The following BCAT1 variants were observed in gnomAD, a reference collection of about 807,000 sequenced individuals.
BCAT1 encodes the protein branched chain amino acid transaminase 1.
BCAT1 carries 48 observed loss-of-function variants against 52.4 expected under a neutral mutation model. The ratio of observed to expected loss-of-function variants is 0.92; its 90% CI spans 0.73 to 1.16. The LOEUF (loss-of-function observed/expected upper bound fraction) is 1.16, where lower values mean the gene tolerates loss of function less well. Ranked by LOEUF, BCAT1 falls within the 50% of genes most tolerant of loss-of-function variation. The pLI is 0.00. For missense variants in BCAT1, 451 were observed against 457.1 expected (o/e 0.99, Z 0.12); for synonymous variants, 167 against 161.3 (o/e 1.04, Z -0.27).
At chr12:24,890,033 C>T (rs1230368732) in intron 3 of BCAT1, among the ~76,000 whole-genome samples, 2 of 152,162 alleles carry the variant, frequency 1.3e-5, no homozygotes, top group African/African-American at 2.4e-5. Context: ...CCCCCGATAC[C>T]TCACCCTACA....
chr12:24,846,327 A>G (rs1472044396), intron 6 of BCAT1, among the ~76,000 whole-genome samples: 2 of 152,356 alleles, frequency 1.3e-5, no homozygotes, highest in Middle Eastern at 3.4e-3. Flanking sequence ...TCACAGGTGT[A>G]AGCTGTATTA....
chr12:24,910,378 AAAATAAATAAATAAATAAATAAATAAAT>A (rs57340584), intron 1 of BCAT1, among the ~76,000 whole-genome samples: 1 of 146,136 alleles, frequency 6.8e-6, no homozygotes, highest in Non-Finnish European at 1.5e-5. Flanking sequence ...CTCTGTCTCA[AAAATAAATAAATAAATAAATAAATAAAT>A]AAATAAATAA....
chr12:24,948,858 T>C, intron 1 of BCAT1, 69 bp downstream of exon 1: 1 of 1,541,854 alleles, frequency 6.5e-7, no homozygotes, highest in South Asian at 1.2e-5. Context: ...ACTATGTTTC[T>C]TGGAGAAATC....
At chr12:24,915,841 G>A (rs1943398037) in intron 1 of BCAT1, among the ~76,000 whole-genome samples, 1 of 152,158 alleles carries the variant, frequency 6.6e-6, no homozygotes, top group Non-Finnish European at 1.5e-5. Context: ...TTTTTCATAA[G>A]GAATCTCAGA....
At chr12:24,825,736 T>C (rs1940367864) in intron 10 of BCAT1, among the ~76,000 whole-genome samples, 1 of 152,204 alleles carries the variant, frequency 6.6e-6, no homozygotes, top group Non-Finnish European at 1.5e-5. Flanking sequence ...TTGAGCTCCT[T>C]ATAGACTCTG....
Position 24,814,992 on chromosome 12 carries a change from C to T in BCAT1, c.*3016G>A, listed in dbSNP as rs1939826978. The T allele has an allele frequency of 6.6e-6, 1 of 152,096 alleles. No individual in the cohort carries two copies. The highest frequency in any genetic ancestry group is 1.5e-5 in the Non-Finnish European group (1 of 68,002). The allele number at this position is 152,096 out of a possible 1,614,324, so 9.4% of individuals were successfully genotyped here. A position where few individuals can be genotyped will look rare whatever the true frequency, so the allele number is the denominator to read the frequency against. On this transcript the variant is annotated 3_prime_UTR_variant, in exon 11 of 11. Transcript: ENST00000261192. The stretch of plus-strand genomic sequence containing the variant: ...CTAAAGCAGGTGTTATAAATTTATT[C>T]ATTCCTGTGCTAGAGAGCATGGAAC...
In BCAT1 at chr12:24,816,752, C is replaced by T. The variant is rs937777859; in HGVS notation, c.*1256G>A. On this transcript the variant is annotated 3_prime_UTR_variant, in exon 11 of 11. Transcript: ENST00000261192. ...TTGTGGAAGACAATTTTTCCACAGA[C>T]TGCAGGGTGAAGGGTGGTTTCAGGA... 2 of 392,952 alleles carry T rather than the reference C, an allele frequency of 5.1e-6. No individual in the cohort carries two copies. The highest frequency in any genetic ancestry group is 4.1e-5 in the African/African-American group (2 of 48,432). The allele number at this position is 392,952 out of a possible 1,614,324, so 24.3% of individuals were successfully genotyped here. A position where few individuals can be genotyped will look rare whatever the true frequency, so the allele number is the denominator to read the frequency against.
intron 1 of BCAT1, among the ~76,000 whole-genome samples, chr12:24,948,352 A>G (rs527993731): frequency 1.3e-5 from 2 of 152,230 alleles, no homozygotes; most frequent in African/African-American, 4.8e-5. Context: ...TCACTGGTTT[A>G]ACAAATGAAT....
chr12:24,906,148 C>A (rs1218551356), intron 1 of BCAT1, among the ~76,000 whole-genome samples: 1 of 151,410 alleles, frequency 6.6e-6, no homozygotes, highest in Non-Finnish European at 1.5e-5. Flanking sequence ...CAGGATCACA[C>A]CACTGCACTT....
chr12:24,849,340 C>T (rs979156429), intron 6 of BCAT1, among the ~76,000 whole-genome samples: 17 of 152,242 alleles, frequency 1.1e-4, no homozygotes, highest in African/African-American at 4.1e-4. Flanking sequence ...TTCAGTGAAG[C>T]GGGCACCTTC....
intron 1 of BCAT1, among the ~76,000 whole-genome samples, chr12:24,908,644 G>C (rs911564740): frequency 6.6e-6 from 1 of 152,102 alleles, no homozygotes; most frequent in African/African-American, 2.4e-5. Context: ...GGGAGGCTGA[G>C]ATGAGAGGAT....
chr12:24,884,974 C>CACA (rs1399192419), intron 3 of BCAT1, among the ~76,000 whole-genome samples: 8 of 138,052 alleles, frequency 5.8e-5, no homozygotes, highest in Non-Finnish European at 1.3e-4. Flanking sequence ...ATAATAAGCT[C>CACA]GCAAACGTTA....
intron 5 of BCAT1, among the ~76,000 whole-genome samples, chr12:24,851,570 C>T (rs1331088858): frequency 6.6e-6 from 1 of 152,172 alleles, no homozygotes; most frequent in Non-Finnish European, 1.5e-5. Flanking sequence ...GACCAAAGGG[C>T]CTGGGTGGCC....
rs1942911706 is a variant in BCAT1, at chr12:24,894,384, A to G, written c.170T>C (p.Met57Thr). 6.2e-7 allele frequency: 1 copy of G among 1,613,808 alleles called. No individual in the cohort carries two copies. The highest frequency in any genetic ancestry group is 1.1e-5 in the South Asian group (1 of 91,014). ...CTCTGAGGACCACTCCACCGTCAGC[A>G]TATGATCCGTGAACACAGTTCCAAA... ...LVFGTVFTDH[M>T]LTVEWSSEFG... The change falls in exon 3 of 11, where the codon ATG becomes ACG. Residue 57 changes from methionine to threonine, a missense_variant. Physicochemically the swap from Met to Thr is moderately conservative, Grantham distance 81. Coordinates refer to ENST00000261192, the MANE Select transcript of BCAT1 (RefSeq NM_005504.7).
chr12:24,894,547 A>G (rs551957335), intron 2 of BCAT1, 72 bp from the exon 3 acceptor site: 121 of 378,380 alleles, frequency 3.2e-4, no homozygotes, highest in South Asian at 1.6e-3. Flanking sequence ...TACAGAGGGG[A>G]AAAAAAAAAA....
At chr12:24,943,493 GAA>G (rs4031153) in intron 1 of BCAT1, among the ~76,000 whole-genome samples, 69 of 58,548 alleles carry the variant, frequency 1.2e-3, no homozygotes, top group Admixed American at 7.0e-3. Flanking sequence ...ACCCTATCTG[GAA>G]AAAAAAAAAA....
At chr12:24,916,333 C>T (rs1007845616) in intron 1 of BCAT1, among the ~76,000 whole-genome samples, 1 of 152,080 alleles carries the variant, frequency 6.6e-6, no homozygotes, top group Non-Finnish European at 1.5e-5. Flanking sequence ...GTTAGAAACG[C>T]TATAAAGGAA....
upstream of BCAT1, chr12:24,949,338 T>C (rs1295705026): frequency 8.1e-6 from 2 of 246,164 alleles, no homozygotes; most frequent in Non-Finnish European, 1.6e-5. Flanking sequence ...TGGGTGCGTA[T>C]CCGAGTGTGG....
intron 5 of BCAT1, among the ~76,000 whole-genome samples, chr12:24,877,704 C>T (rs1195855697): frequency 6.6e-6 from 1 of 152,156 alleles, no homozygotes; most frequent in African/African-American, 2.4e-5. Flanking sequence ...ATTTTAAAAC[C>T]ATTTCTACCT....
Sources: gnomAD v4.1 joint callset for allele counts (sites outside exome capture counted in the v4.1 genomes callset) on GRCh38, gnomAD v4.1.1 for gene constraint, MANE v1.5 for transcripts, NCBI Gene and HGNC (gene_info 2026-07-23, HGNC 2026-07-21) for gene names.